The following ASAP3 variants were observed in gnomAD, a reference collection of about 807,000 sequenced individuals.
ASAP3 encodes ArfGAP with SH3 domain, ankyrin repeat and PH domain 3.
Under a neutral mutation model 118.2 loss-of-function variants are expected in ASAP3, and 85 were observed. That is an observed-to-expected ratio of 0.72 (90% confidence interval 0.60 to 0.86). The LOEUF (loss-of-function observed/expected upper bound fraction) is 0.86. Among genes scored for constraint, ASAP3 ranks in the 40% least tolerant of loss-of-function variants. The pLI, the probability that ASAP3 is intolerant of heterozygous loss-of-function variation, is 0.00. For synonymous variants in ASAP3, 432 were observed against 477.4 expected, an observed-to-expected ratio of 0.90 and a Z score of 1.24; for missense variants, 1,026 against 1,175.0, an observed-to-expected ratio of 0.87 and a Z score of 1.85.
rs1021231736 is a variant in ASAP3 at position 23,439,245 on chromosome 1, G to A, written c.945-15C>T. 1.2e-6 allele frequency: 2 copies of A among 1,613,342 alleles called. No individual in the cohort carries two copies. Among genetic ancestry groups the A allele is most frequent in the African/African-American group, 1.3e-5 (1 of 74,896 alleles). ...CTCTTCGAATTCTAAAGCCCAGAGG[G>A]ATAGAAGGACAGTGACCCAAGGCTC... On this transcript the variant is annotated splice_polypyrimidine_tract_variant and intron_variant, in intron 10 of 24. Transcript: ENST00000336689.
intron 1 of ASAP3, among the ~76,000 whole-genome samples, chr1:23,477,943 G>T (rs1642186433): frequency 6.6e-6 from 1 of 152,150 alleles, no homozygotes; most frequent in Admixed American, 6.5e-5. Flanking sequence ...CACAGGGCAG[G>T]GACTGCATCT....
intron 24 of ASAP3, among the ~76,000 whole-genome samples, 171 bp from the exon 25 acceptor site, chr1:23,430,101 C>T (rs1274944957): frequency 6.6e-6 from 1 of 152,240 alleles, no homozygotes; most frequent in Non-Finnish European, 1.5e-5. Context: ...AGTCTCCTTA[C>T]TCTAAAGCCC....
chr1:23,483,641 G>C (rs1642383604), intron 1 of ASAP3, among the ~76,000 whole-genome samples: 1 of 152,174 alleles, frequency 6.6e-6, no homozygotes, highest in Non-Finnish European at 1.5e-5. Flanking sequence ...CTCTCAGAAG[G>C]GGAGTGACTC....
At chr1:23,472,713 C>CT (rs1196833022) in intron 1 of ASAP3, among the ~76,000 whole-genome samples, 1 of 152,182 alleles carries the variant, frequency 6.6e-6, no homozygotes, top group Non-Finnish European at 1.5e-5. Flanking sequence ...GTTTCCTGAT[C>CT]TTTTTAACTA....
rs571611110 is a variant in ASAP3, at chr1:23,472,948, C to T, written c.129+11057G>A. On this transcript the variant is annotated intron_variant, in intron 1 of 24. Transcript: ENST00000336689. Reference sequence around the variant, plus strand: ...CACACAGCCAATAGGAATTCAAACCCAAGTCTGTCTGACTTTAGTTACTGG... The same window carrying T: ...CACACAGCCAATAGGAATTCAAACCTAAGTCTGTCTGACTTTAGTTACTGG... Among the ~76,000 whole-genome samples the T allele has an allele frequency of 6.3e-4, 96 of 152,266 alleles. 1 individual carries two copies. The highest frequency in any genetic ancestry group is 2.2e-3 in the African/African-American group (90 of 41,552).
intron 24 of ASAP3, among the ~76,000 whole-genome samples, chr1:23,430,298 C>T (rs1264607574): frequency 1.3e-5 from 2 of 152,194 alleles, no homozygotes; most frequent in African/African-American, 4.8e-5. Context: ...CATCCTGACT[C>T]CCAACACAAC....
chr1:23,448,850 C>T (rs940030836), intron 5 of ASAP3, among the ~76,000 whole-genome samples: 1 of 152,130 alleles, frequency 6.6e-6, no homozygotes, highest in Admixed American at 6.5e-5. Flanking sequence ...AGAAGAGGAG[C>T]CTATGGCTGA....
At chr1:23,462,720 T>C (rs547660685) in intron 1 of ASAP3, among the ~76,000 whole-genome samples, 1 of 152,086 alleles carries the variant, frequency 6.6e-6, no homozygotes, top group African/African-American at 2.4e-5. Flanking sequence ...GATCACGCCA[T>C]TGCACCCCAG....
intron 1 of ASAP3, among the ~76,000 whole-genome samples, chr1:23,470,703 C>T (rs535650781): frequency 1.2e-4 from 18 of 152,318 alleles, no homozygotes; most frequent in Admixed American, 5.2e-4. Flanking sequence ...TGGCCGTGCG[C>T]CCCTTGGTCA....
chr1:23,451,342 A>G, intron 5 of ASAP3, 137 bp downstream of exon 5: 1 of 952,936 alleles, frequency 1.0e-6, no homozygotes, highest in Non-Finnish European at 1.6e-6. Context: ...CTGGGTATAA[A>G]CAATCTGCTG....
rs1312556914 is a variant in ASAP3 at position 23,437,538 on chromosome 1, C to G, written c.1103-66G>C. 6.3e-7 allele frequency: 1 copy of G among 1,594,728 alleles called. No homozygotes were observed. The highest frequency in any genetic ancestry group is 1.7e-5 in the Admixed American group (1 of 58,508). The stretch of plus-strand genomic sequence containing the variant: ...GCTGGCCTTCCCGGAGCCCAGGGAG[C>G]CCCCACCAAAGCCGCTGGGGCCACA... On this transcript the variant is annotated intron_variant, in intron 12 of 24. Coordinates refer to ENST00000336689, the MANE Select transcript of ASAP3 (RefSeq NM_017707.4). The surrounding 1 kb of genome is among the most constrained non-coding windows in gnomAD (Gnocchi z 6.1).
chr1:23,458,826 G>A (rs1378888897), intron 1 of ASAP3, among the ~76,000 whole-genome samples: 1 of 152,050 alleles, frequency 6.6e-6, no homozygotes, highest in Non-Finnish European at 1.5e-5. Flanking sequence ...GCTAAAAGGT[G>A]AGTAATTTAA....
At chr1:23,451,352 G>T in intron 5 of ASAP3, 127 bp downstream of exon 5, 1 of 1,046,502 alleles carries the variant, frequency 9.6e-7, no homozygotes, top group Non-Finnish European at 1.5e-6. Flanking sequence ...ACAATCTGCT[G>T]TAAATGCCTC....
intron 1 of ASAP3, among the ~76,000 whole-genome samples, chr1:23,459,158 G>A (rs1448280848): frequency 1.8e-5 from 2 of 108,812 alleles, no homozygotes; most frequent in Non-Finnish European, 3.5e-5. Flanking sequence ...CAATGGGAGC[G>A]AGACTCCATC....
chr1:23,451,456 C>T (rs1018208640), intron 5 of ASAP3, 23 bp downstream of exon 5: 20 of 1,612,440 alleles, frequency 1.2e-5, no homozygotes, highest in East Asian at 2.2e-5. Context: ...CCCAGACAAA[C>T]GACCCTGGCT....
At position 23,446,778 on chromosome 1, in the gene ASAP3, T is replaced by A. The variant is rs55643946; in HGVS notation, c.474-4166A>T. Among the ~76,000 whole-genome samples the A allele has an allele frequency of 8.0e-3, 1,216 of 152,304 alleles. 5 individuals carry two copies. The highest frequency in any genetic ancestry group is 0.013 in the Admixed American group (196 of 15,290). ...AAATTATGCATCATTATGAGTGGCA[T>A]GTGAAATCCTGCATCCTTCTGCTCC... On this transcript the variant is annotated intron_variant, in intron 5 of 24. Transcript: ENST00000336689.
intron 1 of ASAP3, among the ~76,000 whole-genome samples, chr1:23,462,587 G>A (rs903249188): frequency 6.6e-6 from 1 of 151,690 alleles, no homozygotes; most frequent in Non-Finnish European, 1.5e-5. Flanking sequence ...TGGCTAACAC[G>A]TCTCTACTAA....
At chr1:23,474,912 T>C (rs1642078561) in intron 1 of ASAP3, among the ~76,000 whole-genome samples, 1 of 152,114 alleles carries the variant, frequency 6.6e-6, no homozygotes, top group Admixed American at 6.5e-5. Context: ...GTTCAAGCAA[T>C]GGATGCAAAT....
chr1:23,460,214 T>C (rs756734210), intron 1 of ASAP3, among the ~76,000 whole-genome samples: 2 of 151,962 alleles, frequency 1.3e-5, no homozygotes, highest in Non-Finnish European at 2.9e-5. Flanking sequence ...CACCAAATAC[T>C]GGCAAAGGGA....
Sources: allele counts gnomAD v4.1 joint callset (sites outside exome capture counted in the v4.1 genomes callset), GRCh38; gene constraint gnomAD v4.1.1; non-coding constraint Gnocchi (gnomAD v3.1); transcripts MANE v1.5; gene names NCBI Gene and HGNC (gene_info 2026-07-23, HGNC 2026-07-21).